The following CSRP1 variants were observed in gnomAD, a reference collection of about 807,000 sequenced individuals.
CSRP1 encodes the protein cysteine and glycine-rich protein 1.
In CSRP1, 16 loss-of-function variants were observed where a neutral mutation model predicts 25.4. The observed-to-expected ratio is 0.63, with a 90% CI of 0.43 to 0.96. The LOEUF (loss-of-function observed/expected upper bound fraction) is 0.96. CSRP1 is among the 40% of genes least tolerant of loss of function. The pLI is 0.00. For synonymous variants in CSRP1, 97 were observed against 95.3 expected, an observed-to-expected ratio of 1.02 and a Z score of -0.10; for missense variants, 212 against 243.6, an observed-to-expected ratio of 0.87 and a Z score of 0.86.
At chr1:201,489,861 C>G (rs1186138092) in intron 3 of CSRP1, 1 of 228,966 alleles carries the variant, frequency 4.4e-6, no homozygotes, top group East Asian at 9.4e-5. Context: ...CAGAGCAAGA[C>G]TCCCTTTCAA....
intron 4 of CSRP1, 51 bp from the exon 5 acceptor site, chr1:201,485,427 C>A (rs751989616): frequency 6.5e-7 from 1 of 1,539,562 alleles, no homozygotes; most frequent in Admixed American, 1.7e-5. Flanking sequence ...TGAGGGTACC[C>A]TCCACCCCAG....
At chr1:201,491,656 C>G (rs1164083656) in intron 2 of CSRP1, 1 of 152,216 alleles carries the variant, frequency 6.6e-6, no homozygotes, top group African/African-American at 2.4e-5. Flanking sequence ...CTTTCACATA[C>G]TCCTCTCAAG....
intron 1 of CSRP1, among the ~76,000 whole-genome samples, chr1:201,497,150 G>A (rs992863735): frequency 4.6e-5 from 7 of 151,836 alleles, no homozygotes; most frequent in East Asian, 1.9e-4. Context: ...CAGGAGTTCC[G>A]GAGTTCCAGA....
At chr1:201,496,397 G>A in intron 1 of CSRP1, 93 bp from the exon 2 acceptor site, 1 of 1,101,292 alleles carries the variant, frequency 9.1e-7, no homozygotes, top group Middle Eastern at 2.0e-4. Flanking sequence ...CAGATCCAGA[G>A]GAGAGAAAGA....
chr1:201,502,653 C>T (rs1409479224), intron 1 of CSRP1, among the ~76,000 whole-genome samples: 1 of 152,210 alleles, frequency 6.6e-6, no homozygotes, highest in East Asian at 1.9e-4. Flanking sequence ...TCAATCCAGG[C>T]CCCATGGGCC....
At chr1:201,490,415 C>A in intron 2 of CSRP1, 71 bp from the exon 3 acceptor site, 2 of 1,494,744 alleles carry the variant, frequency 1.3e-6, no homozygotes, top group Non-Finnish European at 9.2e-7. Context: ...TTGCAAGCTT[C>A]TTACAGCTGA....
intron 3 of CSRP1, 137 bp downstream of exon 3, chr1:201,490,039 C>T (rs1489661745): frequency 2.3e-6 from 2 of 855,754 alleles, no homozygotes; most frequent in African/African-American, 3.4e-5. Context: ...AGACACTGCT[C>T]TGTGACTGCC....
intron 2 of CSRP1, 38 bp downstream of exon 2, chr1:201,496,154 G>T: frequency 6.5e-7 from 1 of 1,540,912 alleles, no homozygotes. Context: ...CGTCCAGGGT[G>T]TCCAAGGCAA....
At chr1:201,502,654 C>T (rs1664704860) in intron 1 of CSRP1, among the ~76,000 whole-genome samples, 2 of 152,202 alleles carry the variant, frequency 1.3e-5, no homozygotes, top group Admixed American at 6.5e-5. Flanking sequence ...CAATCCAGGC[C>T]CCATGGGCCT....
intron 2 of CSRP1, chr1:201,491,781 G>A (rs1664345736): frequency 6.6e-6 from 1 of 152,174 alleles, no homozygotes; most frequent in African/African-American, 2.4e-5. Flanking sequence ...AACATGTCCT[G>A]AACATAGAAA....
At chr1:201,485,423 T>A in intron 4 of CSRP1, 47 bp from the exon 5 acceptor site, 1 of 1,549,130 alleles carries the variant, frequency 6.5e-7, no homozygotes, top group Non-Finnish European at 8.9e-7. Context: ...GTGATGAGGG[T>A]ACCCTCCACC....
chr1:201,491,501 G>A (rs1343060580), intron 2 of CSRP1: 1 of 152,112 alleles, frequency 6.6e-6, no homozygotes, highest in Non-Finnish European at 1.5e-5. Context: ...GATCTGACAT[G>A]TGAAGTACTT....
Position 201,490,245 on chromosome 1 carries a change from T to C in CSRP1, c.212A>G (p.Tyr71Cys). The part of the protein sequence containing the change: ...CYGKKYGPKG[Y>C]GYGQGAGTLS... ...GGTGCCTGCGCCCTGCCCGTAGCCA[T>C]AGCCTTTGGGCCCATACTTCTTGCC... Residue 71 changes from tyrosine to cysteine, a missense_variant, in exon 3 of 6, where the codon TAT becomes TGT. By Grantham distance (194) the Tyr-to-Cys change is radical (BLOSUM62 -2). Transcript: ENST00000340006. 1.2e-6 allele frequency: 2 copies of C among 1,614,168 alleles called. No individual in the cohort carries two copies. The highest frequency in any genetic ancestry group is 1.7e-6 in the Non-Finnish European group (2 of 1,180,024).
At chr1:201,506,410 C>G (rs1372406528) in intron 1 of CSRP1, among the ~76,000 whole-genome samples, 1 of 152,212 alleles carries the variant, frequency 6.6e-6, no homozygotes, top group African/African-American at 2.4e-5. Flanking sequence ...GATACAATAC[C>G]TGCCTCAGAG....
Position 201,485,290 on chromosome 1 carries a change from G to A in CSRP1, c.498C>T (p.Tyr166=). ...TTLADKDGEI[Y]CKGCYAKNFG... ...AGAAGTGAAAACACCCACCTTTGCAGTAAATCTCGCCATCCTTGTCTGCCA... is the reference window on the plus strand; with the variant it reads ...AGAAGTGAAAACACCCACCTTTGCAATAAATCTCGCCATCCTTGTCTGCCA... The change falls in exon 5 of 6, where the codon TAC becomes TAT. Residue 166 remains tyrosine (Y), a synonymous_variant. Coordinates refer to ENST00000340006, the MANE Select transcript of CSRP1 (RefSeq NM_004078.3). The A allele has an allele frequency of 6.2e-7, 1 of 1,614,148 alleles. No homozygotes were observed. The highest frequency in any genetic ancestry group is 8.5e-7 in the Non-Finnish European group (1 of 1,179,988).
In CSRP1 at chr1:201,496,244, G is replaced by C; in HGVS notation, c.60C>G (p.Ala20=). Residue 20 remains alanine (A), a synonymous_variant, in exon 2 of 6, where the codon GCC becomes GCG. Coordinates refer to ENST00000340006, the MANE Select transcript of CSRP1 (RefSeq NM_004078.3). ...CGVCQKTVYF[A]EEVQCEGNSF... ...TGTTGCCTTCGCACTGAACCTCTTC[G>C]GCAAAGTAAACCGTCTTCTGACACA... is the stretch of plus-strand genomic sequence containing the variant. 6 of 1,614,160 alleles carry C rather than the reference G, an allele frequency of 3.7e-6. No homozygotes were observed. Among genetic ancestry groups the C allele is most frequent in the Non-Finnish European group, 4.2e-6 (5 of 1,180,038 alleles).
chr1:201,500,298 G>A (rs1664627207), intron 1 of CSRP1, among the ~76,000 whole-genome samples: 1 of 152,210 alleles, frequency 6.6e-6, no homozygotes, highest in Non-Finnish European at 1.5e-5. Flanking sequence ...GCACTGTTTT[G>A]TTACAGACAC....
chr1:201,501,982 AC>A (rs1044230097), intron 1 of CSRP1, among the ~76,000 whole-genome samples: 2 of 141,310 alleles, frequency 1.4e-5, no homozygotes, highest in African/African-American at 5.3e-5. Context: ...ATAAAGCAAT[AC>A]TCAGTCTCAA....
chr1:201,497,738 G>A (rs1279517789), intron 1 of CSRP1, among the ~76,000 whole-genome samples: 1 of 152,072 alleles, frequency 6.6e-6, no homozygotes, highest in Non-Finnish European at 1.5e-5. Flanking sequence ...AAAGCTGGGT[G>A]CAGTGGGTCA....
Sources: allele counts gnomAD v4.1 joint callset (sites outside exome capture counted in the v4.1 genomes callset), GRCh38; gene constraint gnomAD v4.1.1; transcripts MANE v1.5; gene names NCBI Gene and HGNC (gene_info 2026-07-23, HGNC 2026-07-21).